SVIL: variants seen among roughly 807,000 people sequenced by gnomAD.
SVIL encodes the protein archvillin.
Under a neutral mutation model 240.4 loss-of-function variants are expected in SVIL, and 101 were observed. The observed-to-expected ratio is 0.42, with a 90% CI of 0.36 to 0.50. The LOEUF (loss-of-function observed/expected upper bound fraction) is 0.50, where lower values mean the gene tolerates loss of function less well. Among genes scored for constraint, SVIL ranks in the 20% least tolerant of loss-of-function variants. The pLI is 0.01. For synonymous variants in SVIL, 999 were observed against 1,100.0 expected, an observed-to-expected ratio of 0.91 and a Z score of 1.82; for missense variants, 2,512 against 2,818.7, an observed-to-expected ratio of 0.89 and a Z score of 2.46.
chr10:29,570,235 A>C (rs1955323793), intron 1 of SVIL, among the ~76,000 whole-genome samples: 1 of 152,380 alleles, frequency 6.6e-6, no homozygotes, highest in African/African-American at 2.4e-5. Flanking sequence ...TAAAACATCT[A>C]AGCTTTTCTC....
At chr10:29,620,344 G>A (rs1261724253) in intron 1 of SVIL, among the ~76,000 whole-genome samples, 2 of 152,110 alleles carry the variant, frequency 1.3e-5, no homozygotes, top group Admixed American at 6.6e-5. Context: ...AGGGAAAAGA[G>A]AGGAAGGGAA....
chr10:29,537,221 A>G (rs968059804), intron 6 of SVIL, among the ~76,000 whole-genome samples: 1 of 152,240 alleles, frequency 6.6e-6, no homozygotes, highest in Non-Finnish European at 1.5e-5. Flanking sequence ...CACAAGAGTT[A>G]CAAGTACTAA....
intron 1 of SVIL, among the ~76,000 whole-genome samples, chr10:29,608,565 G>A (rs1957113287): frequency 1.3e-5 from 2 of 152,260 alleles, no homozygotes; most frequent in African/African-American, 2.4e-5. Context: ...TCAGGCAGAG[G>A]TGCCTGTTCC....
intron 1 of SVIL, among the ~76,000 whole-genome samples, chr10:29,692,351 C>A (rs1227712255): frequency 6.6e-6 from 1 of 152,170 alleles, no homozygotes. Context: ...CCCGTATGAG[C>A]AGGTGAGCTC....
intron 1 of SVIL, among the ~76,000 whole-genome samples, chr10:29,688,765 T>C (rs1301145774): frequency 6.6e-6 from 1 of 152,216 alleles, no homozygotes; most frequent in Non-Finnish European, 1.5e-5. Flanking sequence ...AGGATGTGTA[T>C]CAGTATGTTT....
At chr10:29,466,186 G>A (rs1564454777) in intron 33 of SVIL, among the ~76,000 whole-genome samples, 1 of 151,564 alleles carries the variant, frequency 6.6e-6, no homozygotes, top group Non-Finnish European at 1.5e-5. Flanking sequence ...TCTATACACA[G>A]ATATATGTAT....
At chr10:29,655,421 GGAAGAGGAA>G (rs1349095872) in intron 3 of SVIL, among the ~76,000 whole-genome samples, 1 of 152,208 alleles carries the variant, frequency 6.6e-6, no homozygotes, top group East Asian at 1.9e-4. Context: ...ATCCAGCACA[GGAAGAGGAA>G]ACAGAGCCAG....
intron 2 of SVIL, among the ~76,000 whole-genome samples, chr10:29,568,823 GTGTGTGTGTGTGTTTGTGT>G: frequency 9.4e-6 from 1 of 106,220 alleles, no homozygotes; most frequent in East Asian, 2.8e-4. Flanking sequence ...GGATGGATGT[GTGTGTGTGTGTGTTTGTGT>G]ATGTGTGTGT....
Position 29,481,658 on chromosome 10 carries a change from T to C in SVIL, c.5026A>G (p.Lys1676Glu). The C allele has an allele frequency of 6.2e-7, 1 of 1,614,142 alleles. No individual in the cohort carries two copies. The highest frequency in any genetic ancestry group is 1.1e-5 in the South Asian group (1 of 91,078). ...LTEHNETILF[K>E]EKFLDWTELK... Reference sequence around the variant, plus strand: ...TCCGTCCAATCCAGAAACTTCTCTTTGAACAAAATCGTCTCATTGTGTTCA... The same window carrying C: ...TCCGTCCAATCCAGAAACTTCTCTTCGAACAAAATCGTCTCATTGTGTTCA... Residue 1676 changes from lysine to glutamate, a missense_variant, in exon 28 of 38, where the codon AAA becomes GAA. This residue lies in a region of SVIL where 797 missense variants were observed against 925.3 expected (regional missense o/e 0.86). Coordinates refer to ENST00000355867, the MANE Select transcript of SVIL (RefSeq NM_021738.3).
At chr10:29,707,634 C>A (rs1410493449) in intron 1 of SVIL, among the ~76,000 whole-genome samples, 1 of 151,766 alleles carries the variant, frequency 6.6e-6, no homozygotes, top group Non-Finnish European at 1.5e-5. Flanking sequence ...TTAATAAGAC[C>A]AAAGAAATTA....
At chr10:29,630,213 G>A (rs1313594116) in intron 1 of SVIL, among the ~76,000 whole-genome samples, 3 of 152,286 alleles carry the variant, frequency 2.0e-5, no homozygotes, top group African/African-American at 7.2e-5. Flanking sequence ...CACAGGGAAA[G>A]TGCCCCAAAA....
At chr10:29,609,594 C>T (rs1247435) in intron 1 of SVIL, among the ~76,000 whole-genome samples, 17,263 of 152,274 alleles carry the variant, frequency 0.11, 1,122 homozygotes, top group Admixed American at 0.15. Context: ...CATGCTGTAA[C>T]ACCTATTTGG....
intron 6 of SVIL, among the ~76,000 whole-genome samples, chr10:29,537,941 T>C (rs910386648): frequency 8.5e-5 from 13 of 152,210 alleles, no homozygotes; most frequent in African/African-American, 3.1e-4. Context: ...GTATGTAAAG[T>C]CATTTCATTT....
intron 1 of SVIL, among the ~76,000 whole-genome samples, chr10:29,693,178 T>C (rs1248475131): frequency 2.6e-5 from 4 of 152,104 alleles, no homozygotes; most frequent in Non-Finnish European, 5.9e-5. Context: ...ATCAGGAAAC[T>C]GAGACTCAGA....
At position 29,531,282 on chromosome 10, in the gene SVIL, A is replaced by G; in HGVS notation, c.2016T>C (p.Thr672=). The change falls in exon 10 of 38, where the codon ACT becomes ACC. Residue 672 remains threonine (T), a synonymous_variant. Coordinates refer to ENST00000355867, the MANE Select transcript of SVIL (RefSeq NM_021738.3). ...CGACAGTTGGCGTTTCTGAATGTGA[A>G]GTGCACCTAGGAAAGACATTAGCAA... The part of the protein sequence containing the change: ...SAERKESDRC[T]SHSETPTVDD... 1.2e-6 allele frequency: 2 copies of G among 1,613,938 alleles called. No homozygotes were observed. The highest frequency in any genetic ancestry group is 1.7e-6 in the Non-Finnish European group (2 of 1,179,968).
At chr10:29,573,992 A>G (rs1289164481) in intron 1 of SVIL, among the ~76,000 whole-genome samples, 2 of 152,140 alleles carry the variant, frequency 1.3e-5, no homozygotes, top group Admixed American at 1.3e-4. Flanking sequence ...CACCGCGCCC[A>G]GCCTGTGACT....
At chr10:29,730,099 GC>G (rs1308571585) in intron 1 of SVIL, among the ~76,000 whole-genome samples, 11 of 151,904 alleles carry the variant, frequency 7.2e-5, no homozygotes, top group Admixed American at 5.9e-4. Flanking sequence ...GATTCCTTGA[GC>G]CCAGGAGTTC....
chr10:29,700,672 A>G (rs929863097), intron 1 of SVIL, among the ~76,000 whole-genome samples: 2 of 151,730 alleles, frequency 1.3e-5, no homozygotes, highest in Admixed American at 1.3e-4. Flanking sequence ...GGGTTTCACC[A>G]CTGTGTTAGC....
chr10:29,692,322 T>C (rs1777320), intron 1 of SVIL, among the ~76,000 whole-genome samples: 108,792 of 152,066 alleles, frequency 0.72, 38,958 homozygotes, highest in East Asian at 0.83. Flanking sequence ...AGCAGAAGGA[T>C]GGAGACAGAA....
Sources: gnomAD v4.1 joint callset for allele counts (sites outside exome capture counted in the v4.1 genomes callset) on GRCh38, gnomAD v4.1.1 for gene constraint, gnomAD v4.1.1 regional missense constraint, MANE v1.5 for transcripts, NCBI Gene and HGNC (gene_info 2026-07-23, HGNC 2026-07-21) for gene names.